Variants in ACSM4 observed in about 807,000 individuals in gnomAD.
ACSM4 encodes the protein acyl-CoA synthetase medium chain family member 4.
Under a neutral mutation model 73.0 loss-of-function variants are expected in ACSM4, and 66 were observed. That is an observed-to-expected ratio of 0.90 (90% CI 0.74 to 1.11). The LOEUF (loss-of-function observed/expected upper bound fraction) is 1.11, where lower values mean the gene tolerates loss of function less well. Ranked by LOEUF, ACSM4 falls within the 50% of genes least tolerant of loss-of-function variation. The pLI, the probability that ACSM4 is intolerant of heterozygous loss-of-function variation, is 0.00. For synonymous variants in ACSM4, 222 were observed against 254.0 expected, an observed-to-expected ratio of 0.87 and a Z score of 1.20; for missense variants, 645 against 714.4, an observed-to-expected ratio of 0.90 and a Z score of 1.11.
At chr12:7,310,419 A>C in intron 2 of ACSM4, 120 bp from the exon 3 acceptor site, 1 of 952,746 alleles carries the variant, frequency 1.0e-6, no homozygotes. Context: ...GCATCAAGGC[A>C]GAGGTAGCTG....
chr12:7,317,426 C>A, intron 4 of ACSM4, 146 bp downstream of exon 4: 1 of 1,134,296 alleles, frequency 8.8e-7, no homozygotes, highest in Non-Finnish European at 1.2e-6. Flanking sequence ...TGGCCCCGCC[C>A]AACCTAGCTC....
Position 7,328,338 on chromosome 12 carries a change from A to G in ACSM4, c.1708A>G (p.Asn570Asp). ...GACAATCACTGGGAAAATCAAACGC[A>G]ACGTTTTAAGAGACCAAGAATGGAG... ...PKTITGKIKRNVLRDQEWRGR is the reference protein window; with the variant it reads ...PKTITGKIKRDVLRDQEWRGR The change falls in exon 13 of 13, where the codon AAC becomes GAC. Residue 570 changes from asparagine to aspartate, a missense_variant. By Grantham distance (23) the Asn-to-Asp change is conservative (BLOSUM62 1). Transcript: ENST00000399422. 1 of 1,595,666 alleles carries G rather than the reference A, an allele frequency of 6.3e-7. No individual in the cohort carries two copies. Among genetic ancestry groups the G allele is most frequent in the South Asian group, 1.1e-5 (1 of 87,394 alleles).
At chr12:7,310,057 G>A (rs774633592) in intron 2 of ACSM4, among the ~76,000 whole-genome samples, 3 of 152,326 alleles carry the variant, frequency 2.0e-5, no homozygotes, top group Non-Finnish European at 4.4e-5. Flanking sequence ...AAAGTGCTGG[G>A]ATTACAGGCC....
intron 7 of ACSM4, 53 bp downstream of exon 7, chr12:7,322,594 G>A: frequency 6.5e-7 from 1 of 1,549,636 alleles, no homozygotes; most frequent in Admixed American, 2.0e-5. Context: ...TTCTGCCCCA[G>A]GTTTTTCAAC....
chr12:7,324,996 A>G (rs1387085869), intron 11 of ACSM4, among the ~76,000 whole-genome samples: 1 of 152,188 alleles, frequency 6.6e-6, no homozygotes, highest in Non-Finnish European at 1.5e-5. Flanking sequence ...CTTGATAGCA[A>G]CCAACTCCAG....
chr12:7,312,448 A>T (rs868813010), intron 3 of ACSM4, among the ~76,000 whole-genome samples: 6 of 150,482 alleles, frequency 4.0e-5, no homozygotes, highest in South Asian at 4.2e-4. Context: ...GCTTATGTTT[A>T]AAAAAAAAAT....
chr12:7,307,184 G>C (rs1946367088), intron 2 of ACSM4, among the ~76,000 whole-genome samples: 1 of 152,190 alleles, frequency 6.6e-6, no homozygotes, highest in South Asian at 2.1e-4. Flanking sequence ...AACCCGGGAG[G>C]TGGAGGTTTC....
Position 7,325,761 on chromosome 12 carries a change from T to C in ACSM4, c.1536+1163T>C, listed in dbSNP as rs772263357. ...GCAATGACAATAATAGCCTTAATTC[T>C]AGGAGGAAGCCCTATTTTCATAATT... On this transcript the variant is annotated intron_variant, in intron 11 of 12. Transcript: ENST00000399422. Among the ~76,000 whole-genome samples, 11 of 152,340 alleles carry C rather than the reference T, an allele frequency of 7.2e-5. No homozygotes were observed. The South Asian group carries it at 2.3e-3, about 32-fold the overall frequency.
chr12:7,315,839 A>G (rs1946417506), intron 3 of ACSM4, among the ~76,000 whole-genome samples: 1 of 152,172 alleles, frequency 6.6e-6, no homozygotes, highest in East Asian at 1.9e-4. Context: ...CAAGTATCCA[A>G]GGTGGGTTCA....
At chr12:7,326,350 G>A (rs932574841) in intron 11 of ACSM4, among the ~76,000 whole-genome samples, 3 of 152,248 alleles carry the variant, frequency 2.0e-5, no homozygotes, top group East Asian at 1.9e-4. Flanking sequence ...TACTACAGGT[G>A]TGCACAACTG....
intron 3 of ACSM4, among the ~76,000 whole-genome samples, chr12:7,314,498 G>C (rs938917214): frequency 6.6e-6 from 1 of 152,138 alleles, no homozygotes; most frequent in African/African-American, 2.4e-5. Flanking sequence ...TTTTCTTTTA[G>C]ATAGACAGAT....
At chr12:7,314,704 A>G (rs1946409434) in intron 3 of ACSM4, among the ~76,000 whole-genome samples, 2 of 152,168 alleles carry the variant, frequency 1.3e-5, no homozygotes, top group African/African-American at 2.4e-5. Flanking sequence ...GAAATGTTTA[A>G]ACATAAGAGG....
rs1375845377 is a variant in ACSM4 at position 7,304,121 on chromosome 12, G to A, written c.-211G>A. ...ACAGAATGAAGAGGAAGGGTCCAGT[G>A]GCAGGGAGACCAGTCAGTGGCTAAG... On this transcript the variant is annotated 5_prime_UTR_variant, in exon 1 of 13. Transcript: ENST00000399422. 2.0e-5 allele frequency among the ~76,000 whole-genome samples: 3 copies of A among 152,118 alleles called. No homozygotes were observed. Among genetic ancestry groups the A allele is most frequent in the Non-Finnish European group, 4.4e-5 (3 of 68,026 alleles).
At chr12:7,311,591 A>G (rs1946390724) in intron 3 of ACSM4, among the ~76,000 whole-genome samples, 1 of 152,234 alleles carries the variant, frequency 6.6e-6, no homozygotes, top group Non-Finnish European at 1.5e-5. Context: ...ATGCCCATTC[A>G]TCCATTCCCT....
chr12:7,311,748 T>C (rs1591842560), intron 3 of ACSM4, among the ~76,000 whole-genome samples: 1 of 152,184 alleles, frequency 6.6e-6, no homozygotes, highest in Admixed American at 6.5e-5. Flanking sequence ...TAGAGTACAG[T>C]GGTGTGATCT....
intron 1 of ACSM4, among the ~76,000 whole-genome samples, chr12:7,305,972 T>G (rs1946359480): frequency 6.6e-6 from 1 of 152,206 alleles, no homozygotes; most frequent in African/African-American, 2.4e-5. Flanking sequence ...TCGACCCTGC[T>G]CCTTGTGACT....
At chr12:7,307,081 C>T (rs749581385) in intron 2 of ACSM4, among the ~76,000 whole-genome samples, 1 of 152,024 alleles carries the variant, frequency 6.6e-6, no homozygotes, top group African/African-American at 2.4e-5. Flanking sequence ...ACTGAAACCC[C>T]GTCTCTACTA....
chr12:7,309,895 T>C (rs1372938614), intron 2 of ACSM4, among the ~76,000 whole-genome samples: 1 of 152,220 alleles, frequency 6.6e-6, no homozygotes, highest in African/African-American at 2.4e-5. Flanking sequence ...GTGATTCTCC[T>C]GCCTAGGCCT....
chr12:7,318,844 A>G (rs1946439957), intron 5 of ACSM4, among the ~76,000 whole-genome samples: 1 of 152,222 alleles, frequency 6.6e-6, no homozygotes. Context: ...CTGTGTGTGA[A>G]TAAAAGCTCT....
Sources: gnomAD v4.1 joint callset for allele counts (sites outside exome capture counted in the v4.1 genomes callset) on GRCh38, gnomAD v4.1.1 for gene constraint, MANE v1.5 for transcripts, NCBI Gene and HGNC (gene_info 2026-07-23, HGNC 2026-07-21) for gene names.